GALNT7: variants seen among roughly 807,000 people sequenced by gnomAD.
The protein encoded by GALNT7 is N-acetylgalactosaminyltransferase 7.
A neutral mutation model predicts 82.1 loss-of-function variants in GALNT7; 60 were observed. That is an observed-to-expected ratio of 0.73 (90% CI 0.59 to 0.91). The LOEUF (loss-of-function observed/expected upper bound fraction) is 0.91. Among genes scored for constraint, GALNT7 ranks in the 40% least tolerant of loss-of-function variants. GALNT7 has a pLI of 0.00. For synonymous variants in GALNT7, 243 were observed against 275.1 expected, an observed-to-expected ratio of 0.88 and a Z score of 1.15; for missense variants, 660 against 804.2, an observed-to-expected ratio of 0.82 and a Z score of 2.17.
intron 7 of GALNT7, among the ~76,000 whole-genome samples, chr4:173,303,435 G>A (rs1737031975): frequency 6.6e-6 from 1 of 152,130 alleles, no homozygotes; most frequent in South Asian, 2.1e-4. Flanking sequence ...AAATGGGAAG[G>A]TGTATTAGGG....
At chr4:173,257,694 A>G (rs1735095893) in intron 2 of GALNT7, among the ~76,000 whole-genome samples, 1 of 152,216 alleles carries the variant, frequency 6.6e-6, no homozygotes, top group Non-Finnish European at 1.5e-5. Context: ...CACATTTTTA[A>G]TAGCCTGGTG....
At chr4:173,178,620 A>T (rs1437802708) in intron 1 of GALNT7, among the ~76,000 whole-genome samples, 1 of 152,246 alleles carries the variant, frequency 6.6e-6, no homozygotes, top group Non-Finnish European at 1.5e-5. Flanking sequence ...CCCAAGAAGC[A>T]TTTAAACATG....
At chr4:173,179,451 G>A (rs1288448866) in intron 1 of GALNT7, among the ~76,000 whole-genome samples, 2 of 152,170 alleles carry the variant, frequency 1.3e-5, no homozygotes, top group Non-Finnish European at 2.9e-5. Flanking sequence ...GGGCAATATA[G>A]CAAGACCTTG....
chr4:173,295,249 C>T (rs529328585), intron 3 of GALNT7, 147 bp from the exon 4 acceptor site: 27 of 599,432 alleles, frequency 4.5e-5, no homozygotes, highest in East Asian at 3.4e-4. Context: ...TAATATACTT[C>T]GCCTTCCTTC....
At chr4:173,281,730 C>T (rs1736116893) in intron 2 of GALNT7, among the ~76,000 whole-genome samples, 1 of 152,202 alleles carries the variant, frequency 6.6e-6, no homozygotes, top group South Asian at 2.1e-4. Context: ...CAAATCCGTT[C>T]CTTCATCTGC....
At chr4:173,239,565 C>CA (rs1192036891) in intron 1 of GALNT7, among the ~76,000 whole-genome samples, 5 of 152,106 alleles carry the variant, frequency 3.3e-5, no homozygotes, top group Admixed American at 6.5e-5. Flanking sequence ...CAAAACAAAA[C>CA]AAACAAACAA....
chr4:173,255,024 TGGCTAACAAC>T (rs1347911715), intron 2 of GALNT7, among the ~76,000 whole-genome samples: 8 of 152,262 alleles, frequency 5.3e-5, no homozygotes, highest in African/African-American at 1.7e-4. Flanking sequence ...TTTAAGGTTC[TGGCTAACAAC>T]AGATGCATTT....
chr4:173,253,726 A>G (rs1734927446), intron 2 of GALNT7, among the ~76,000 whole-genome samples: 1 of 152,156 alleles, frequency 6.6e-6, no homozygotes, highest in Non-Finnish European at 1.5e-5. Flanking sequence ...GCTGGTTAGG[A>G]TAGAACAGTC....
intron 4 of GALNT7, 61 bp downstream of exon 4, chr4:173,295,587 A>G: frequency 6.8e-7 from 1 of 1,480,734 alleles, no homozygotes; most frequent in Non-Finnish European, 9.4e-7. Flanking sequence ...AATCATACAC[A>G]TTTTTAATCA....
intron 1 of GALNT7, among the ~76,000 whole-genome samples, chr4:173,193,676 G>A (rs576243043): frequency 1.8e-4 from 28 of 152,190 alleles, no homozygotes; most frequent in South Asian, 1.2e-3. Context: ...AAGTGATAAA[G>A]CAGAAGGCAG....
chr4:173,272,145 G>A (rs184439486), intron 2 of GALNT7, among the ~76,000 whole-genome samples: 8 of 152,254 alleles, frequency 5.3e-5, no homozygotes, highest in Admixed American at 5.2e-4. Flanking sequence ...TCTCTCCTCT[G>A]CTCTCCATCC....
intron 8 of GALNT7, among the ~76,000 whole-genome samples, chr4:173,310,321 C>T (rs532924754): frequency 6.6e-6 from 1 of 152,262 alleles, no homozygotes; most frequent in East Asian, 1.9e-4. Flanking sequence ...GTTCCCTGTC[C>T]CTCCCCCTTA....
intron 1 of GALNT7, among the ~76,000 whole-genome samples, chr4:173,246,656 C>G (rs1311321686): frequency 6.6e-6 from 1 of 152,178 alleles, no homozygotes; most frequent in East Asian, 1.9e-4. Context: ...TCTGAAATAA[C>G]TGACTTTCTA....
intron 1 of GALNT7, among the ~76,000 whole-genome samples, chr4:173,181,122 A>C (rs993814288): frequency 2.6e-5 from 4 of 152,214 alleles, no homozygotes; most frequent in African/African-American, 9.6e-5. Flanking sequence ...AAATGACTGA[A>C]ATTTTATTAC....
chr4:173,295,751 T>C lies in GALNT7; in HGVS notation c.886-13T>C, dbSNP rs1736698258. ...TATGAGGAGTATTCTTTCACCTGCC[T>C]CTTTTTTTTAAGGTTTTGATATACC... On this transcript the variant is annotated splice_polypyrimidine_tract_variant and intron_variant, in intron 4 of 11. Transcript: ENST00000265000. 6.4e-7 allele frequency: 1 copy of C among 1,564,136 alleles called. No individual in the cohort carries two copies. Among genetic ancestry groups the C allele is most frequent in the Non-Finnish European group, 8.8e-7 (1 of 1,134,826 alleles).
In GALNT7 at chr4:173,248,208, A is replaced by G. The variant is rs148957464; in HGVS notation, c.355A>G (p.Thr119Ala). The G allele has an allele frequency of 1.3e-4, 215 of 1,613,858 alleles. 1 individual carries two copies. The African/African-American group carries it at 2.1e-3, about 16-fold the overall frequency. ...GCAGTATCTCACATTTAAGCCTCAG[A>G]CATTCACCTACCATGATCCTGTGCT... The part of the protein sequence containing the change: ...QRQYLTFKPQ[T>A]FTYHDPVLRP... The change falls in exon 2 of 12, where the codon ACA becomes GCA. Residue 119 changes from threonine (T) to alanine (A), a missense_variant. Around this residue, in one of 2 missense-constraint regions of GALNT7, gnomAD observed 527 missense variants for 683.5 expected, o/e 0.77. Coordinates refer to ENST00000265000, the MANE Select transcript of GALNT7 (RefSeq NM_017423.3).
intron 1 of GALNT7, among the ~76,000 whole-genome samples, chr4:173,241,454 G>A (rs1734432050): frequency 1.3e-5 from 2 of 152,124 alleles, no homozygotes; most frequent in South Asian, 4.1e-4. Flanking sequence ...GAAAATTATT[G>A]TGTTGATACA....
At chr4:173,216,641 G>T (rs1200560986) in intron 1 of GALNT7, among the ~76,000 whole-genome samples, 1 of 147,818 alleles carries the variant, frequency 6.8e-6, no homozygotes, top group Non-Finnish European at 1.5e-5. Flanking sequence ...CAGGTGTGAG[G>T]GTTCCTGGGC....
chr4:173,301,410 G>A (rs1007020811), intron 6 of GALNT7, among the ~76,000 whole-genome samples: 3 of 152,106 alleles, frequency 2.0e-5, no homozygotes, highest in Non-Finnish European at 4.4e-5. Flanking sequence ...CCTAAAAAGT[G>A]TCCAATTTAA....
Sources: allele counts gnomAD v4.1 joint callset (sites outside exome capture counted in the v4.1 genomes callset), GRCh38; gene constraint gnomAD v4.1.1; regional missense constraint gnomAD v4.1.1; transcripts MANE v1.5; gene names NCBI Gene and HGNC (gene_info 2026-07-23, HGNC 2026-07-21).